CCDC85A: variants seen among roughly 807,000 people sequenced by gnomAD.
CCDC85A encodes coiled-coil domain-containing protein 85A.
In CCDC85A, 38 loss-of-function variants were observed where a neutral mutation model predicts 50.2. The ratio of observed to expected loss-of-function variants is 0.76; its 90% CI spans 0.58 to 0.99. The LOEUF is 0.99. CCDC85A is among the 50% of genes least tolerant of loss of function. The pLI is 0.00. For missense variants in CCDC85A, 820 were observed against 742.0 expected (o/e 1.11, Z -1.22); for synonymous variants, 366 against 301.4 (o/e 1.21, Z -2.22).
intron 3 of CCDC85A, among the ~76,000 whole-genome samples, chr2:56,344,115 G>A (rs1674512597): frequency 6.6e-6 from 1 of 152,080 alleles, no homozygotes; most frequent in South Asian, 2.1e-4. Flanking sequence ...ACCCCAAGTG[G>A]ATGCCTGAAA....
At chr2:56,256,678 T>C (rs1175939316) in intron 2 of CCDC85A, among the ~76,000 whole-genome samples, 1 of 152,218 alleles carries the variant, frequency 6.6e-6, no homozygotes, top group Non-Finnish European at 1.5e-5. Context: ...AGGTATTGTT[T>C]CATTGGATTT....
intron 2 of CCDC85A, among the ~76,000 whole-genome samples, chr2:56,340,007 T>A (rs937271098): frequency 6.6e-6 from 1 of 152,240 alleles, no homozygotes; most frequent in African/African-American, 2.4e-5. Context: ...TTTACCTGTG[T>A]TTCTATTTTC....
At chr2:56,329,804 A>G (rs1018832184) in intron 2 of CCDC85A, among the ~76,000 whole-genome samples, 1 of 152,060 alleles carries the variant, frequency 6.6e-6, no homozygotes, top group African/African-American at 2.4e-5. Context: ...TGTTTTTCTG[A>G]AGAGTATAAC....
chr2:56,198,017 T>A (rs969898084), intron 2 of CCDC85A, among the ~76,000 whole-genome samples: 2 of 85,680 alleles, frequency 2.3e-5, no homozygotes, highest in Admixed American at 2.9e-4. Context: ...ATATTGCATT[T>A]CAAATCTCCC....
chr2:56,267,953 A>G (rs943604650), intron 2 of CCDC85A, among the ~76,000 whole-genome samples: 2 of 152,178 alleles, frequency 1.3e-5, no homozygotes, highest in East Asian at 3.9e-4. Flanking sequence ...TTTTCCTAAA[A>G]AGCTATTTCA....
rs773078371 is a variant in CCDC85A at position 56,189,295 on chromosome 2, G to GTATTTTTTTTTTTTTTTTTTTTT, written c.277-3181_277-3180insATTTTTTTTTTTTTTTTTTTTTT. On this transcript the variant is annotated intron_variant, in intron 1 of 5. Coordinates refer to ENST00000407595, the MANE Select transcript of CCDC85A (RefSeq NM_001080433.2). ...GCAAAACATGCACGGGGTATTTTTGGTGTTTTTTTTTTTTTTTGAGACAAG... is the reference window on the plus strand; with the variant it reads ...GCAAAACATGCACGGGGTATTTTTGGTATTTTTTTTTTTTTTTTTTTTTTGTTTTTTTTTTTTTTTGAGACAAG... Among the ~76,000 whole-genome samples the GTATTTTTTTTTTTTTTTTTTTTT allele has an allele frequency of 2.1e-3, 207 of 100,418 alleles. 6 individuals carry two copies. Among genetic ancestry groups the GTATTTTTTTTTTTTTTTTTTTTT allele is most frequent in the African/African-American group, 8.6e-3 (193 of 22,384 alleles). The allele number at this position is 100,418 out of a possible 152,430, so 65.9% of individuals were successfully genotyped here.
At chr2:56,349,267 C>T (rs557519971) in intron 3 of CCDC85A, among the ~76,000 whole-genome samples, 3 of 152,088 alleles carry the variant, frequency 2.0e-5, no homozygotes, top group East Asian at 3.9e-4. Context: ...TATGGAACAA[C>T]GTTTTCTCTA....
At chr2:56,202,720 A>T (rs913111969) in intron 2 of CCDC85A, among the ~76,000 whole-genome samples, 3 of 152,236 alleles carry the variant, frequency 2.0e-5, no homozygotes, top group Non-Finnish European at 4.4e-5. Flanking sequence ...TGACATTTAA[A>T]AGGTCAGAAT....
At position 56,272,840 on chromosome 2, in the gene CCDC85A, T is replaced by C. The variant is rs575124559; in HGVS notation, c.1241-70039T>C. Among the ~76,000 whole-genome samples the C allele has an allele frequency of 6.6e-5, 10 of 152,338 alleles. No homozygotes were observed. The East Asian group carries it at 1.3e-3, about 21-fold the overall frequency. On this transcript the variant is annotated intron_variant, in intron 2 of 5. Coordinates refer to ENST00000407595, the MANE Select transcript of CCDC85A (RefSeq NM_001080433.2). The stretch of plus-strand genomic sequence containing the variant: ...GCCTATTCCAACCTTTCAAGGATAA[T>C]TTCAGTGCCTCAACTTGTAAATGTG...
In CCDC85A at chr2:56,296,604, A is replaced by G. The variant is rs142813386; in HGVS notation, c.1241-46275A>G. Among the ~76,000 whole-genome samples the G allele has an allele frequency of 2.8e-3, 431 of 152,286 alleles. 3 individuals are homozygous for G. Among genetic ancestry groups the G allele is most frequent in the Non-Finnish European group, 4.6e-3 (314 of 68,036 alleles). On this transcript the variant is annotated intron_variant, in intron 2 of 5. Transcript: ENST00000407595. ...GTTTGATGCACCTTAAGCAGGCATT[A>G]TTCAGAAAGGCTTTTGTCAGGATTC...
At chr2:56,273,768 T>A (rs1397903085) in intron 2 of CCDC85A, among the ~76,000 whole-genome samples, 1 of 150,370 alleles carries the variant, frequency 6.7e-6, no homozygotes, top group Non-Finnish European at 1.5e-5. Flanking sequence ...AGAACTGGGG[T>A]TGGAAGTAGG....
At chr2:56,333,316 T>C (rs990102334) in intron 2 of CCDC85A, among the ~76,000 whole-genome samples, 5 of 152,060 alleles carry the variant, frequency 3.3e-5, no homozygotes, top group African/African-American at 1.2e-4. Context: ...AACATTTGAC[T>C]GGGGACAGAG....
At chr2:56,196,153 T>C (rs932354022) in intron 2 of CCDC85A, among the ~76,000 whole-genome samples, 3 of 152,244 alleles carry the variant, frequency 2.0e-5, no homozygotes, top group Non-Finnish European at 4.4e-5. Context: ...CTTAAGTCTC[T>C]ATAATAATTT....
At chr2:56,286,043 ATTG>A (rs1191136236) in intron 2 of CCDC85A, among the ~76,000 whole-genome samples, 1 of 132,484 alleles carries the variant, frequency 7.5e-6, no homozygotes, top group Non-Finnish European at 1.6e-5. Context: ...AAGATGTTTT[ATTG>A]TTGTTTGGGT....
At chr2:56,207,715 C>G (rs1475797134) in intron 2 of CCDC85A, among the ~76,000 whole-genome samples, 6 of 152,036 alleles carry the variant, frequency 3.9e-5, no homozygotes, top group Non-Finnish European at 8.8e-5. Flanking sequence ...ACCATCTGTT[C>G]TTTATTTCAT....
intron 2 of CCDC85A, among the ~76,000 whole-genome samples, chr2:56,337,567 GGT>G (rs1322526104): frequency 1.3e-5 from 2 of 152,058 alleles, no homozygotes; most frequent in African/African-American, 4.8e-5. Context: ...TTCTGGCCCA[GGT>G]CCATCTGTGG....
intron 4 of CCDC85A, among the ~76,000 whole-genome samples, chr2:56,373,344 G>A (rs1206990586): frequency 6.7e-6 from 1 of 150,362 alleles, no homozygotes; most frequent in East Asian, 2.0e-4. Context: ...TACTATTGTA[G>A]CCCCCATCCC....
intron 2 of CCDC85A, among the ~76,000 whole-genome samples, chr2:56,317,571 C>G (rs182175132): frequency 2.0e-5 from 3 of 152,000 alleles, no homozygotes; most frequent in African/African-American, 7.2e-5. Flanking sequence ...GGAAATTTCA[C>G]GTGAAATATT....
chr2:56,252,163 C>T lies in CCDC85A; in HGVS notation c.1240+58723C>T, dbSNP rs892257373. Among the ~76,000 whole-genome samples the T allele has an allele frequency of 1.5e-4, 23 of 152,042 alleles. 2 individuals are homozygous for T. Among genetic ancestry groups the T allele is most frequent in the Admixed American group, 1.3e-3 (20 of 15,282 alleles). On this transcript the variant is annotated intron_variant, in intron 2 of 5. Transcript: ENST00000407595. ...CCAGGTTCAAGCGATTCTCCTGCCT[C>T]AGCCTCCCGAGTAGCTGGAATTACA...
Sources: allele counts gnomAD v4.1 joint callset (sites outside exome capture counted in the v4.1 genomes callset), GRCh38; gene constraint gnomAD v4.1.1; transcripts MANE v1.5; gene names NCBI Gene and HGNC (gene_info 2026-07-23, HGNC 2026-07-21).